The following TMEM204 variants were observed in gnomAD, a reference collection of about 807,000 sequenced individuals.
TMEM204 encodes claudin-like protein 24.
TMEM204 carries 15 observed loss-of-function variants against 19.4 expected under a neutral mutation model. The ratio of observed to expected loss-of-function variants is 0.77; its 90% CI spans 0.52 to 1.19. The LOEUF (loss-of-function observed/expected upper bound fraction) is 1.19. Among genes scored for constraint, TMEM204 ranks in the 50% most tolerant of loss-of-function variants. The pLI is 0.00. For synonymous variants in TMEM204, 161 were observed against 146.0 expected (o/e 1.10, Z -0.74); for missense variants, 287 against 321.2 (o/e 0.89, Z 0.81).
At chr16:1,537,722 G>A (rs1159307073) in intron 1 of TMEM204, among the ~76,000 whole-genome samples, 2 of 152,166 alleles carry the variant, frequency 1.3e-5, no homozygotes, top group South Asian at 2.1e-4. Flanking sequence ...TCTGTATTTC[G>A]TGCGTTCTGT....
upstream of TMEM204, chr16:1,531,289 G>A (rs1441610120): frequency 6.6e-6 from 1 of 152,282 alleles, no homozygotes; most frequent in Non-Finnish European, 1.5e-5. The surrounding 1 kb of genome is among the most constrained non-coding windows in gnomAD (Gnocchi z 4.7). Context: ...ACAAGAAGCA[G>A]ATGGGCGGCA....
intron 1 of TMEM204, chr16:1,541,388 C>G (rs1287609894): frequency 4.1e-6 from 4 of 985,338 alleles, no homozygotes; most frequent in Non-Finnish European, 4.8e-6. Flanking sequence ...TCCCAAGTCC[C>G]TCAGCTGCTG....
chr16:1,537,436 C>T (rs901101376), intron 1 of TMEM204, among the ~76,000 whole-genome samples: 1 of 152,248 alleles, frequency 6.6e-6, no homozygotes, highest in Admixed American at 6.5e-5. Context: ...GGACGCGCCC[C>T]GGACATCCTG....
intron 1 of TMEM204, chr16:1,541,656 G>A (rs1194557009): frequency 3.0e-6 from 1 of 332,434 alleles, no homozygotes; most frequent in Non-Finnish European, 4.3e-6. Context: ...AGCAGAGTAG[G>A]GCCCGTCCCT....
intron 1 of TMEM204, among the ~76,000 whole-genome samples, chr16:1,538,085 C>G (rs1053059640): frequency 6.6e-6 from 1 of 152,232 alleles, no homozygotes. Flanking sequence ...AACACCCAAG[C>G]AGTGAACGCC....
intron 2 of TMEM204, among the ~76,000 whole-genome samples, chr16:1,552,253 C>A (rs943055122): frequency 2.6e-5 from 4 of 152,160 alleles, no homozygotes. Context: ...AACCTCCTCC[C>A]GCCCTCGAGG....
At chr16:1,535,007 C>A (rs576267224) in intron 1 of TMEM204, among the ~76,000 whole-genome samples, 28 of 151,950 alleles carry the variant, frequency 1.8e-4, no homozygotes, top group African/African-American at 6.3e-4. Context: ...GAGTTCAAGA[C>A]GAACCTAGCC....
chr16:1,554,771 C>A lies in TMEM204; in HGVS notation c.437-11C>A, dbSNP rs1444939731. On this transcript the variant is annotated splice_polypyrimidine_tract_variant and intron_variant, in intron 2 of 2. Coordinates refer to ENST00000566264, the MANE Select transcript of TMEM204 (RefSeq NM_024600.6). ...TCAGACAAGGCCTCTCAACCCTTCTCTCATCTGCAGGTTTTGTCCTGGTCA... is the reference window on the plus strand; with the variant it reads ...TCAGACAAGGCCTCTCAACCCTTCTATCATCTGCAGGTTTTGTCCTGGTCA... The A allele has an allele frequency of 6.2e-7, 1 of 1,613,620 alleles. No homozygotes were observed. Among genetic ancestry groups the A allele is most frequent in the Non-Finnish European group, 8.5e-7 (1 of 1,179,694 alleles).
chr16:1,554,155 T>G lies in TMEM204; in HGVS notation c.437-627T>G, dbSNP rs2032900572. The stretch of plus-strand genomic sequence containing the variant: ...GACACCAGATATAGCCAAGGAGCCC[T>G]AGACAAGGCCCTGGCCCCATCTCCG... On this transcript the variant is annotated intron_variant, in intron 2 of 2. Coordinates refer to ENST00000566264, the MANE Select transcript of TMEM204 (RefSeq NM_024600.6). 3.1e-6 allele frequency: 4 copies of G among 1,285,046 alleles called. No homozygotes were observed. In the African/African-American group the frequency reaches 6.1e-5, roughly 20 times the overall value. The allele number at this position is 1,285,046 out of a possible 1,614,324, so 79.6% of individuals were successfully genotyped here.
chr16:1,541,967 G>A lies in TMEM204; in HGVS notation c.327G>A (p.Ala109=), dbSNP rs559041088. The part of the protein sequence containing the change: ...MRACNLVATA[A]LTAGQLTFLL... ...CCTGCAACCTGGTGGCCACGGCCGCGCTCACCGCAGGCCAGCTCACCTTCC... is the reference window on the plus strand; with the variant it reads ...CCTGCAACCTGGTGGCCACGGCCGCACTCACCGCAGGCCAGCTCACCTTCC... Residue 109 remains alanine (A), a synonymous_variant, in exon 2 of 3, where the codon GCG becomes GCA. Transcript: ENST00000566264. 6 of 1,610,342 alleles carry A rather than the reference G, an allele frequency of 3.7e-6. No homozygotes were observed. The highest frequency in any genetic ancestry group is 1.7e-5 in the Admixed American group (1 of 59,932).
At chr16:1,540,181 C>A (rs182702095) in intron 1 of TMEM204, among the ~76,000 whole-genome samples, 64 of 152,338 alleles carry the variant, frequency 4.2e-4, no homozygotes, top group African/African-American at 1.5e-3. Flanking sequence ...CAGATGTGAG[C>A]GCTGGAGCAG....
chr16:1,534,440 C>G lies in TMEM204; in HGVS notation c.165C>G (p.Thr55=). 1 of 1,611,690 alleles carries G rather than the reference C, an allele frequency of 6.2e-7. No individual in the cohort carries two copies. The highest frequency in any genetic ancestry group is 1.1e-5 in the South Asian group (1 of 91,032). ...LWRSCWLVDR[T]RGGPSPGARA... ...GGTCCTGCTGGCTGGTGGACAGGAC[C>G]CGGGGAGGGCCGAGCCCTGGGGCCA... Residue 55 remains threonine, a synonymous_variant, in exon 1 of 3, where the codon ACC becomes ACG. Coordinates refer to ENST00000566264, the MANE Select transcript of TMEM204 (RefSeq NM_024600.6).
At position 1,553,380 on chromosome 16, in the gene TMEM204, G is replaced by A; in HGVS notation, c.437-1402G>A. On this transcript the variant is annotated intron_variant, in intron 2 of 2. Coordinates refer to ENST00000566264, the MANE Select transcript of TMEM204 (RefSeq NM_024600.6). This position sits in a 1 kb window ranked among gnomAD's most constrained non-coding sequence, Gnocchi z 4.4. The stretch of plus-strand genomic sequence containing the variant: ...TCGATGCTGGGGCCACACAGGGCAG[G>A]GCATGATTTGGTTTCCTGGGGAATG... 1.0e-6 allele frequency: 1 copy of A among 985,384 alleles called. No homozygotes were observed. Among genetic ancestry groups the A allele is most frequent in the South Asian group, 4.7e-5 (1 of 21,280 alleles). The allele number at this position is 985,384 out of a possible 1,614,324, so 61.0% of individuals were successfully genotyped here. A position where few individuals can be genotyped will look rare whatever the true frequency, so the allele number is the denominator to read the frequency against.
intron 2 of TMEM204, among the ~76,000 whole-genome samples, chr16:1,554,307 T>G (rs541592183): frequency 6.6e-6 from 1 of 152,322 alleles, no homozygotes; most frequent in African/African-American, 2.4e-5. Context: ...AGATAAGACT[T>G]AGAAAAGTCT....
At chr16:1,550,505 G>A (rs893909549) in intron 2 of TMEM204, among the ~76,000 whole-genome samples, 3 of 152,266 alleles carry the variant, frequency 2.0e-5, no homozygotes, top group Non-Finnish European at 4.4e-5. Flanking sequence ...AGCAGCGTGT[G>A]ATGCTGGCCA....
intron 2 of TMEM204, chr16:1,554,055 G>C (rs1349094760): frequency 1.6e-6 from 2 of 1,287,054 alleles, no homozygotes; most frequent in Admixed American, 4.6e-5. Context: ...AAAGAGAGGG[G>C]AAAGCATGGA....
rs756643935 is a variant in TMEM204 at position 1,534,352 on chromosome 16, T to G, written c.77T>G (p.Phe26Cys). Reference protein sequence around the residue: ...VSLILNNVAAFTSNWVCQTLE... With the variant: ...VSLILNNVAACTSNWVCQTLE... The stretch of plus-strand genomic sequence containing the variant: ...CTCATCCTCAACAACGTGGCGGCCT[T>G]CACCTCCAACTGGGTGTGCCAGACG... Residue 26 changes from phenylalanine (F) to cysteine (C), a missense_variant, in exon 1 of 3, where the codon TTC becomes TGC. Coordinates refer to ENST00000566264, the MANE Select transcript of TMEM204 (RefSeq NM_024600.6). 1 of 1,612,902 alleles carries G rather than the reference T, an allele frequency of 6.2e-7. No homozygotes were observed. The highest frequency in any genetic ancestry group is 1.1e-5 in the South Asian group (1 of 91,086).
rs2030773318 is a variant in TMEM204 at position 1,533,882 on chromosome 16, C to T, written c.-394C>T. 1.4e-5 allele frequency: 4 copies of T among 283,776 alleles called. No individual in the cohort carries two copies. Among genetic ancestry groups the T allele is most frequent in the Non-Finnish European group, 2.0e-5 (3 of 149,408 alleles). 17.6% of individuals were successfully genotyped at this position (283,776 alleles called of 1,614,324 possible). On this transcript the variant is annotated 5_prime_UTR_variant, in exon 1 of 3. Coordinates refer to ENST00000566264, the MANE Select transcript of TMEM204 (RefSeq NM_024600.6). This position sits in a 1 kb window ranked among gnomAD's most constrained non-coding sequence, Gnocchi z 4.7. ...GGTGCTAAGGAGTGTGGCGCGGGCT[C>T]GACTCCCACTGCTGCCGGCCTCCCG...
At chr16:1,550,244 G>T in intron 2 of TMEM204, among the ~76,000 whole-genome samples, 1 of 152,076 alleles carries the variant, frequency 6.6e-6, no homozygotes, top group South Asian at 2.1e-4. Flanking sequence ...CAGCCCCTTC[G>T]TCTTCTATAT....
Sources: gnomAD v4.1 joint callset for allele counts (sites outside exome capture counted in the v4.1 genomes callset) on GRCh38, gnomAD v4.1.1 for gene constraint, Gnocchi (gnomAD v3.1) non-coding constraint, MANE v1.5 for transcripts, NCBI Gene and HGNC (gene_info 2026-07-23, HGNC 2026-07-21) for gene names.